The following DCC variants were observed in gnomAD, a reference collection of about 807,000 sequenced individuals.
DCC encodes the protein netrin receptor DCC.
A neutral mutation model predicts 172.5 loss-of-function variants in DCC; 58 were observed. That is an observed-to-expected ratio of 0.34 (90% CI 0.27 to 0.42). The LOEUF is 0.42. Ranked by LOEUF, DCC falls within the 10% of genes least tolerant of loss-of-function variation. The pLI, the probability that DCC is intolerant of heterozygous loss-of-function variation, is 1.00. For missense variants in DCC, 1,740 were observed against 1,791.0 expected, an observed-to-expected ratio of 0.97 and a Z score of 0.51; for synonymous variants, 709 against 644.5, an observed-to-expected ratio of 1.10 and a Z score of -1.52.
intron 5 of DCC, among the ~76,000 whole-genome samples, chr18:53,045,031 T>C (rs566266981): frequency 3.3e-5 from 5 of 151,932 alleles, no homozygotes; most frequent in Non-Finnish European, 7.4e-5. Context: ...TAAATATGAA[T>C]GATAAGTATG....
At chr18:52,493,004 G>A (rs1246425825) in intron 1 of DCC, among the ~76,000 whole-genome samples, 1 of 152,084 alleles carries the variant, frequency 6.6e-6, no homozygotes, top group Non-Finnish European at 1.5e-5. Flanking sequence ...AGTGGCAATT[G>A]CAGAGCATGC....
chr18:53,339,010 A>G (rs2057623490), intron 14 of DCC, among the ~76,000 whole-genome samples: 1 of 152,180 alleles, frequency 6.6e-6, no homozygotes, highest in South Asian at 2.1e-4. Flanking sequence ...GAGTCAATCA[A>G]TATTTGGAAT....
chr18:52,425,821 A>G (rs550723926), intron 1 of DCC, among the ~76,000 whole-genome samples: 14 of 152,116 alleles, frequency 9.2e-5, no homozygotes, highest in Non-Finnish European at 1.6e-4. Context: ...GTGGTGTATT[A>G]AGTTCTCATA....
intron 15 of DCC, 26 bp from the exon 16 acceptor site, chr18:53,386,017 T>C: frequency 7.1e-7 from 1 of 1,409,352 alleles, no homozygotes; most frequent in South Asian, 1.2e-5. Flanking sequence ...ATCAACACGT[T>C]CATATTGTTT....
intron 2 of DCC, among the ~76,000 whole-genome samples, chr18:52,792,255 C>T (rs1281937580): frequency 6.6e-6 from 1 of 152,148 alleles, no homozygotes; most frequent in African/African-American, 2.4e-5. Flanking sequence ...TGAGCTATAT[C>T]CACAGTTACT....
At chr18:53,095,750 AC>A (rs1419211351) in intron 7 of DCC, among the ~76,000 whole-genome samples, 3 of 149,724 alleles carry the variant, frequency 2.0e-5, no homozygotes, top group Non-Finnish European at 4.4e-5. Flanking sequence ...GTCTTTTTTT[AC>A]CATGTAAATT....
At chr18:53,005,307 A>T (rs928496564) in intron 5 of DCC, among the ~76,000 whole-genome samples, 2 of 152,236 alleles carry the variant, frequency 1.3e-5, no homozygotes, top group East Asian at 3.8e-4. Context: ...GGAATAACTC[A>T]TTCCCACTCC....
chr18:52,993,000 A>C (rs933424742), intron 5 of DCC, among the ~76,000 whole-genome samples: 24 of 152,010 alleles, frequency 1.6e-4, no homozygotes, highest in African/African-American at 4.8e-4. Flanking sequence ...AAAAAAAAAA[A>C]ACACATGTGA....
intron 1 of DCC, among the ~76,000 whole-genome samples, chr18:52,715,570 G>T (rs1471664329): frequency 6.6e-6 from 1 of 152,068 alleles, no homozygotes; most frequent in Non-Finnish European, 1.5e-5. Flanking sequence ...CTCCCAATAT[G>T]CTGGGATTAC....
At chr18:52,845,930 T>A (rs1397369424) in intron 2 of DCC, among the ~76,000 whole-genome samples, 1 of 152,184 alleles carries the variant, frequency 6.6e-6, no homozygotes, top group Admixed American at 6.5e-5. Flanking sequence ...TTCTGATTGA[T>A]TATACTTAAG....
intron 11 of DCC, among the ~76,000 whole-genome samples, chr18:53,208,468 C>T (rs1024878725): frequency 1.3e-5 from 2 of 151,046 alleles, no homozygotes; most frequent in African/African-American, 4.9e-5. Flanking sequence ...GTTTTATTCC[C>T]CCATCTAAAA....
intron 7 of DCC, among the ~76,000 whole-genome samples, chr18:53,125,496 C>T (rs1375869163): frequency 6.6e-6 from 1 of 152,060 alleles, no homozygotes; most frequent in Non-Finnish European, 1.5e-5. Flanking sequence ...TTTTCATTTT[C>T]TTAGCAACTT....
intron 1 of DCC, among the ~76,000 whole-genome samples, chr18:52,649,493 A>AT (rs113092174): frequency 0.034 from 5,155 of 151,884 alleles, 200 homozygotes; most frequent in African/African-American, 0.095. Context: ...GCTATCTTGT[A>AT]TAGTGGTGGC....
chr18:52,414,635 G>A (rs1413492888), intron 1 of DCC, among the ~76,000 whole-genome samples: 1 of 152,132 alleles, frequency 6.6e-6, no homozygotes. Context: ...AAGAAGCCCA[G>A]TCCCCATGAC....
chr18:53,519,682 C>CTGAT (rs1262530889), intron 27 of DCC, among the ~76,000 whole-genome samples: 1 of 151,922 alleles, frequency 6.6e-6, no homozygotes, highest in African/African-American at 2.4e-5. Flanking sequence ...ACATATGTTT[C>CTGAT]TGATAGAGCT....
intron 8 of DCC, among the ~76,000 whole-genome samples, chr18:53,159,091 A>G (rs2054794819): frequency 1.3e-5 from 2 of 150,750 alleles, no homozygotes; most frequent in African/African-American, 4.9e-5. Flanking sequence ...TTTTAGTGTT[A>G]TCTCTGTAAC....
rs900619771 is a variant in DCC, at chr18:52,586,095, A to C, written c.92-165959A>C. On this transcript the variant is annotated intron_variant, in intron 1 of 28. Coordinates refer to ENST00000442544, the MANE Select transcript of DCC (RefSeq NM_005215.4). ...AAGACTCCGTCTCAAAAAAAAAAAA[A>C]AAAAAAAAAAAAACAAAAACACTGT... 2.8e-3 allele frequency among the ~76,000 whole-genome samples: 420 copies of C among 151,066 alleles called. 4 individuals carry two copies. Among genetic ancestry groups the C allele is most frequent in the African/African-American group, 9.6e-3 (394 of 41,252 alleles).
chr18:52,344,567 C>T (rs1441083390), intron 1 of DCC, among the ~76,000 whole-genome samples: 1 of 152,176 alleles, frequency 6.6e-6, no homozygotes, highest in Non-Finnish European at 1.5e-5. Flanking sequence ...GGTCATCTAG[C>T]AGGATCACTG....
chr18:53,105,719 C>G (rs1413787040), intron 7 of DCC, among the ~76,000 whole-genome samples: 1 of 151,774 alleles, frequency 6.6e-6, no homozygotes, highest in African/African-American at 2.4e-5. Flanking sequence ...ACGTGCATAT[C>G]CCATTTTTAG....
Sources: gnomAD v4.1 joint callset for allele counts (sites outside exome capture counted in the v4.1 genomes callset) on GRCh38, gnomAD v4.1.1 for gene constraint, MANE v1.5 for transcripts, NCBI Gene and HGNC (gene_info 2026-07-23, HGNC 2026-07-21) for gene names.